Variants in MIPOL1 observed in about 807,000 individuals in gnomAD.
MIPOL1 encodes mirror-image polydactyly 1, also known as mirror-image polydactyly gene 1 protein.
A neutral mutation model predicts 60.9 loss-of-function variants in MIPOL1; 57 were observed. The ratio of observed to expected loss-of-function variants is 0.94; its 90% CI spans 0.76 to 1.17. The LOEUF is 1.17. MIPOL1 is among the 50% of genes most tolerant of loss of function. MIPOL1 has a pLI of 0.00. For synonymous variants in MIPOL1, 179 were observed against 168.8 expected (o/e 1.06, Z -0.47); for missense variants, 551 against 511.6 (o/e 1.08, Z -0.74).
chr14:37,367,861 G>A (rs766542208), intron 9 of MIPOL1, among the ~76,000 whole-genome samples: 20 of 151,686 alleles, frequency 1.3e-4, no homozygotes, highest in Non-Finnish European at 2.4e-4. Flanking sequence ...TCATTTTCTC[G>A]GGTCATAATT....
intron 1 of MIPOL1, among the ~76,000 whole-genome samples, chr14:37,237,036 A>T (rs1971598364): frequency 6.6e-6 from 1 of 151,994 alleles, no homozygotes; most frequent in Non-Finnish European, 1.5e-5. Flanking sequence ...TCATGTGGTC[A>T]CGTGTTAATT....
intron 11 of MIPOL1, among the ~76,000 whole-genome samples, chr14:37,453,422 A>G (rs1427142043): frequency 2.0e-5 from 3 of 152,148 alleles, no homozygotes; most frequent in East Asian, 1.9e-4. Context: ...GTCTTATAAA[A>G]TTTTAAGGGT....
chr14:37,442,088 T>TTTTGTG (rs1474397266), intron 11 of MIPOL1, among the ~76,000 whole-genome samples: 4 of 143,714 alleles, frequency 2.8e-5, no homozygotes, highest in Admixed American at 7.0e-5. Flanking sequence ...TTCTACTTTG[T>TTTTGTG]TGTGTGTGTG....
chr14:37,423,280 A>G (rs2093907474), intron 11 of MIPOL1, among the ~76,000 whole-genome samples: 1 of 149,924 alleles, frequency 6.7e-6, no homozygotes, highest in Admixed American at 6.7e-5. Context: ...TAAATATAAA[A>G]TATACATACA....
intron 7 of MIPOL1, among the ~76,000 whole-genome samples, chr14:37,286,538 C>A (rs2084580279): frequency 6.6e-6 from 1 of 152,144 alleles, no homozygotes; most frequent in Non-Finnish European, 1.5e-5. Context: ...ATTTAATGAT[C>A]AATCAGCATA....
chr14:37,299,641 G>T (rs868806093), intron 7 of MIPOL1, among the ~76,000 whole-genome samples: 16 of 151,922 alleles, frequency 1.1e-4, no homozygotes, highest in African/African-American at 3.9e-4. Flanking sequence ...TATATTTCTA[G>T]AACAGTTGTG....
At chr14:37,357,186 T>G (rs1469931945) in intron 9 of MIPOL1, among the ~76,000 whole-genome samples, 1 of 152,182 alleles carries the variant, frequency 6.6e-6, no homozygotes, top group Admixed American at 6.5e-5. Context: ...ACCTCCAAAA[T>G]TTTCTCCATA....
At position 37,547,214 on chromosome 14, in the gene MIPOL1, G is replaced by A; in HGVS notation, c.*243G>A. On this transcript the variant is annotated 3_prime_UTR_variant, in exon 13 of 13. Transcript: ENST00000684589. ...ACCAATGGGTAGCTATAAGGTTACA[G>A]CTTATTTTGTAACTATTTTATATCT... 1 of 421,312 alleles carries A rather than the reference G, an allele frequency of 2.4e-6. No homozygotes were observed. Among genetic ancestry groups the A allele is most frequent in the Non-Finnish European group, 4.2e-6 (1 of 237,114 alleles). The allele number at this position is 421,312 out of a possible 1,614,324, so 26.1% of individuals were successfully genotyped here.
At chr14:37,365,115 T>G (rs1405463656) in intron 9 of MIPOL1, among the ~76,000 whole-genome samples, 2 of 152,186 alleles carry the variant, frequency 1.3e-5, no homozygotes, top group African/African-American at 4.8e-5. Flanking sequence ...ATGTGGAATC[T>G]TCAGGTTTTT....
chr14:37,354,067 C>T (rs1209515909), intron 9 of MIPOL1, among the ~76,000 whole-genome samples: 1 of 150,940 alleles, frequency 6.6e-6, no homozygotes, highest in Non-Finnish European at 1.5e-5. Flanking sequence ...TCCCTCTACA[C>T]ACTGCTTTGA....
chr14:37,437,410 TA>T (rs5807954), intron 11 of MIPOL1, among the ~76,000 whole-genome samples: 148,605 of 152,162 alleles, frequency 0.98, 72,664 homozygotes, highest in East Asian at 1. Flanking sequence ...CTATAAAAAA[TA>T]AAAATTTTTG....
intron 3 of MIPOL1, among the ~76,000 whole-genome samples, chr14:37,266,463 A>G (rs976340100): frequency 2.0e-5 from 3 of 152,200 alleles, no homozygotes; most frequent in Non-Finnish European, 2.9e-5. Context: ...GAAAGCCTCT[A>G]TATCATTAAC....
At chr14:37,253,475 A>T (rs1237233758) in intron 3 of MIPOL1, among the ~76,000 whole-genome samples, 2 of 151,770 alleles carry the variant, frequency 1.3e-5, no homozygotes, top group Non-Finnish European at 3.0e-5. Context: ...AATTCTTTCC[A>T]CCAGTGTGAT....
intron 10 of MIPOL1, among the ~76,000 whole-genome samples, chr14:37,419,273 T>G (rs765686552): frequency 5.9e-5 from 9 of 152,190 alleles, no homozygotes; most frequent in Non-Finnish European, 1.3e-4. Flanking sequence ...GTGATTCTAT[T>G]TATATGACAT....
chr14:37,260,289 ATTCAT>A (rs1391592027), intron 3 of MIPOL1, among the ~76,000 whole-genome samples: 4 of 151,538 alleles, frequency 2.6e-5, no homozygotes, highest in African/African-American at 7.3e-5. Flanking sequence ...CCTTTCATTG[ATTCAT>A]TTCATTTCAT....
chr14:37,205,356 G>A (rs1433235417), intron 1 of MIPOL1, among the ~76,000 whole-genome samples: 1 of 151,978 alleles, frequency 6.6e-6, no homozygotes, highest in South Asian at 2.1e-4. Context: ...CACCCACCTC[G>A]GCCTCCCAAA....
In MIPOL1 at chr14:37,260,258, A is replaced by AT. The variant is rs768685367; in HGVS notation, c.20-6680_20-6679insT. 1.9e-3 allele frequency among the ~76,000 whole-genome samples: 284 copies of AT among 151,166 alleles called. 2 individuals carry two copies. The highest frequency in any genetic ancestry group is 3.5e-3 in the Non-Finnish European group (239 of 67,780). ...TCTCATCTAAAAAAAAAAAAAAAAA[A>AT]GGAAACCTAATTTAGTATCTCCTTT... is the stretch of plus-strand genomic sequence containing the variant. On this transcript the variant is annotated intron_variant, in intron 3 of 12. Coordinates refer to ENST00000684589, the MANE Select transcript of MIPOL1 (RefSeq NM_001388067.1).
At chr14:37,243,467 CTA>C (rs1361440801) in intron 1 of MIPOL1, among the ~76,000 whole-genome samples, 1 of 152,140 alleles carries the variant, frequency 6.6e-6, no homozygotes, top group African/African-American at 2.4e-5. Flanking sequence ...TTTTATGAAA[CTA>C]TTTTAATGCA....
At chr14:37,485,746 G>C (rs1280333614) in intron 11 of MIPOL1, among the ~76,000 whole-genome samples, 1 of 152,050 alleles carries the variant, frequency 6.6e-6, no homozygotes, top group African/African-American at 2.4e-5. Context: ...TTGTCAGATG[G>C]ATAGATTGCA....
Sources: allele counts gnomAD v4.1 joint callset (sites outside exome capture counted in the v4.1 genomes callset), GRCh38; gene constraint gnomAD v4.1.1; transcripts MANE v1.5; gene names NCBI Gene and HGNC (gene_info 2026-07-23, HGNC 2026-07-21).